UTRN: variants seen among roughly 807,000 people sequenced by gnomAD.
The protein encoded by UTRN is utrophin.
A neutral mutation model predicts 463.9 loss-of-function variants in UTRN; 283 were observed. That is an observed-to-expected ratio of 0.61 (90% confidence interval 0.55 to 0.67). The LOEUF (loss-of-function observed/expected upper bound fraction) is 0.67, where lower values mean the gene tolerates loss of function less well. UTRN is among the 30% of genes least tolerant of loss of function. The pLI, the probability that UTRN is intolerant of heterozygous loss-of-function variation, is 0.00. For synonymous variants in UTRN, 1,442 were observed against 1,431.5 expected, an observed-to-expected ratio of 1.01 and a Z score of -0.17; for missense variants, 3,922 against 4,084.3, an observed-to-expected ratio of 0.96 and a Z score of 1.08.
At chr6:144,837,794 A>G (rs1044212393) in intron 71 of UTRN, among the ~76,000 whole-genome samples, 4 of 152,016 alleles carry the variant, frequency 2.6e-5, no homozygotes, top group East Asian at 1.9e-4. Flanking sequence ...TTGACCATAC[A>G]CTTTTCTCTA....
intron 9 of UTRN, among the ~76,000 whole-genome samples, chr6:144,434,685 C>T (rs1044202580): frequency 6.6e-6 from 1 of 152,114 alleles, no homozygotes; most frequent in African/African-American, 2.4e-5. Context: ...TACTCAGACA[C>T]AGTATACAGT....
rs1199579909 is a variant in UTRN, at chr6:144,622,184, G to GTTTTTTTTTTTT, written c.7479+44906_7479+44917dup. Among the ~76,000 whole-genome samples, 25 of 88,214 alleles carry GTTTTTTTTTTTT rather than the reference G, an allele frequency of 2.8e-4. 1 individual carries two copies. Among genetic ancestry groups the GTTTTTTTTTTTT allele is most frequent in the East Asian group, 8.7e-4 (2 of 2,310 alleles). 57.9% of individuals were successfully genotyped at this position (88,214 alleles called of 152,430 possible). On this transcript the variant is annotated intron_variant, in intron 51 of 74. Transcript: ENST00000367545. ...TAGATGGTATCCATTTTTTTTTGTTGTTTTTTTTTTTTTTTTTTTTTGGAG... is the reference window on the plus strand; with the variant it reads ...TAGATGGTATCCATTTTTTTTTGTTGTTTTTTTTTTTTTTTTTTTTTTTTTTTTTTTTTGGAG...
At chr6:144,635,535 CTTTTTTTTTT>C (rs1219903798) in intron 51 of UTRN, among the ~76,000 whole-genome samples, 2 of 33,186 alleles carry the variant, frequency 6.0e-5, no homozygotes, top group African/African-American at 1.3e-4. Context: ...TTTTTCTTTT[CTTTTTTTTTT>C]TTTTTTTTTT....
chr6:144,453,439 T>TA (rs1336654394), intron 18 of UTRN, among the ~76,000 whole-genome samples: 14 of 152,136 alleles, frequency 9.2e-5, no homozygotes, highest in Non-Finnish European at 1.8e-4. Context: ...TTTTTCTTGT[T>TA]AGTTAATTTT....
intron 47 of UTRN, among the ~76,000 whole-genome samples, chr6:144,549,459 G>A (rs1798708902): frequency 6.6e-6 from 1 of 152,206 alleles, no homozygotes; most frequent in Non-Finnish European, 1.5e-5. Flanking sequence ...ATTTTTCTAA[G>A]TATTGTACAC....
chr6:144,842,040 G>T (rs959066525), intron 73 of UTRN, among the ~76,000 whole-genome samples: 6 of 143,102 alleles, frequency 4.2e-5, no homozygotes, highest in Non-Finnish European at 7.5e-5. Context: ...AACCTGGGAG[G>T]TAGAGGTTGC....
intron 2 of UTRN, among the ~76,000 whole-genome samples, chr6:144,339,429 TATA>T (rs1259728790): frequency 3.9e-5 from 6 of 152,180 alleles, no homozygotes; most frequent in African/African-American, 1.4e-4. Context: ...GAAAAAGACC[TATA>T]GATTAGTTCA....
chr6:144,690,074 G>GTTTTTTTTTTTTTTTTTTTTTTTTTTT (rs1554339291), intron 52 of UTRN, among the ~76,000 whole-genome samples: 1 of 31,264 alleles, frequency 3.2e-5, no homozygotes, highest in African/African-American at 1.8e-4. Context: ...AAAAGTTTCT[G>GTTTTTTTTTTTTTTTTTTTTTTTTTTT]TTTTTTTTTT....
At chr6:144,546,054 AG>A in intron 46 of UTRN, among the ~76,000 whole-genome samples, 1 of 152,172 alleles carries the variant, frequency 6.6e-6, no homozygotes, top group East Asian at 1.9e-4. Context: ...TACACATAAT[AG>A]GTTCTTAATA....
intron 2 of UTRN, among the ~76,000 whole-genome samples, chr6:144,334,458 G>A (rs1584322293): frequency 6.6e-6 from 1 of 151,962 alleles, no homozygotes; most frequent in African/African-American, 2.4e-5. Flanking sequence ...ATCTGTCGCC[G>A]AAAGACTCAT....
At chr6:144,513,503 T>C (rs1473596993) in intron 35 of UTRN, among the ~76,000 whole-genome samples, 2 of 152,074 alleles carry the variant, frequency 1.3e-5, no homozygotes, top group African/African-American at 4.8e-5. Context: ...TGAGCTGAGA[T>C]TGTGCCACTC....
chr6:144,711,897 C>T (rs915267398), intron 53 of UTRN, among the ~76,000 whole-genome samples: 1 of 150,776 alleles, frequency 6.6e-6, no homozygotes, highest in Non-Finnish European at 1.5e-5. Context: ...CATTAGCAAA[C>T]TTGCTCATTA....
chr6:144,818,221 A>C (rs1195841316), intron 65 of UTRN, among the ~76,000 whole-genome samples: 2 of 152,228 alleles, frequency 1.3e-5, no homozygotes, highest in Non-Finnish European at 2.9e-5. Flanking sequence ...TGTCCAGAAT[A>C]AGCAGATTCA....
At chr6:144,576,886 C>T (rs1452622925) in intron 50 of UTRN, among the ~76,000 whole-genome samples, 3 of 152,096 alleles carry the variant, frequency 2.0e-5, no homozygotes, top group Non-Finnish European at 4.4e-5. Flanking sequence ...ATTTTTATGG[C>T]TCTCCCCCTT....
At chr6:144,742,094 GA>G (rs869311919) in intron 54 of UTRN, among the ~76,000 whole-genome samples, 3 of 145,042 alleles carry the variant, frequency 2.1e-5, no homozygotes, top group African/African-American at 5.3e-5. Context: ...CTTAAAAAAA[GA>G]AAAAAAAAGA....
At chr6:144,579,443 C>T (rs1299578662) in intron 51 of UTRN, among the ~76,000 whole-genome samples, 1 of 152,128 alleles carries the variant, frequency 6.6e-6, no homozygotes, top group African/African-American at 2.4e-5. Flanking sequence ...AGTTTATACA[C>T]AATGAATAAA....
At chr6:144,734,161 A>G (rs1343811623) in intron 54 of UTRN, among the ~76,000 whole-genome samples, 1 of 152,186 alleles carries the variant, frequency 6.6e-6, no homozygotes, top group Non-Finnish European at 1.5e-5. Context: ...AACAAGGAAA[A>G]TGAGCCCAGA....
intron 2 of UTRN, among the ~76,000 whole-genome samples, chr6:144,347,029 A>C (rs1777643958): frequency 1.3e-5 from 2 of 152,154 alleles, no homozygotes; most frequent in Non-Finnish European, 2.9e-5. Flanking sequence ...GAAATGAATA[A>C]TTTGGAGGCG....
intron 51 of UTRN, among the ~76,000 whole-genome samples, chr6:144,650,288 G>A (rs1313051789): frequency 6.6e-6 from 1 of 152,180 alleles, no homozygotes; most frequent in East Asian, 1.9e-4. Flanking sequence ...GTTGACATTT[G>A]GGTGGGACAC....
Sources: gnomAD v4.1 joint callset for allele counts (sites outside exome capture counted in the v4.1 genomes callset) on GRCh38, gnomAD v4.1.1 for gene constraint, MANE v1.5 for transcripts, NCBI Gene and HGNC (gene_info 2026-07-23, HGNC 2026-07-21) for gene names.